The following OTOF variants were observed in gnomAD, a reference collection of about 807,000 sequenced individuals.
The protein encoded by OTOF is otoferlin.
A neutral mutation model predicts 236.8 loss-of-function variants in OTOF; 218 were observed. The observed-to-expected ratio is 0.92, with a 90% confidence interval of 0.82 to 1.03. The LOEUF is 1.03. OTOF is among the 50% of genes least tolerant of loss of function. OTOF has a pLI of 0.00. For synonymous variants in OTOF, 1,041 were observed against 1,072.5 expected, an observed-to-expected ratio of 0.97 and a Z score of 0.57; for missense variants, 2,590 against 2,694.4, an observed-to-expected ratio of 0.96 and a Z score of 0.86.
chr2:26,543,313 G>A (rs956489708), intron 1 of OTOF, among the ~76,000 whole-genome samples: 8 of 152,218 alleles, frequency 5.3e-5, no homozygotes, highest in Non-Finnish European at 4.4e-5. Flanking sequence ...ATGGTCTGGA[G>A]GCCTGGGAGC....
chr2:26,558,556 G>A lies in OTOF; in HGVS notation c.16C>T (p.His6Tyr), dbSNP rs1456419643. The change falls in exon 1 of 47, where the codon CAC becomes TAC. Residue 6 changes from histidine (H) to tyrosine (Y), a missense_variant. Physicochemically the swap from His to Tyr is moderately conservative, Grantham distance 83 (BLOSUM62 2). Coordinates refer to ENST00000272371, the MANE Select transcript of OTOF (RefSeq NM_194248.3). ...CGCAGCTCCGAGACTGTCTTGAGGT[G>A]GATGAGCAAGGCCATGCTGGTGTGG... MALLIHLKTVSELRGR... is the reference protein window; with the variant it reads MALLIYLKTVSELRGR... The A allele has an allele frequency of 2.5e-6, 4 of 1,613,942 alleles. No individual in the cohort carries two copies. The highest frequency in any genetic ancestry group is 2.2e-5 in the East Asian group (1 of 44,842).
chr2:26,527,577 C>T (rs553363355), intron 3 of OTOF, among the ~76,000 whole-genome samples: 6 of 152,298 alleles, frequency 3.9e-5, no homozygotes, highest in African/African-American at 1.4e-4. Context: ...GGGTTGGAGA[C>T]AGCAGAGGTG....
chr2:26,536,006 G>A (rs1667061824), intron 2 of OTOF, among the ~76,000 whole-genome samples: 1 of 152,216 alleles, frequency 6.6e-6, no homozygotes, highest in Admixed American at 6.5e-5. Context: ...AGTCTTGGGA[G>A]GAGGGAGTCA....
intron 1 of OTOF, among the ~76,000 whole-genome samples, chr2:26,544,571 G>C (rs1426708831): frequency 6.6e-6 from 1 of 152,104 alleles, no homozygotes; most frequent in Non-Finnish European, 1.5e-5. Context: ...ACAACTTCTT[G>C]GTCCATTTCT....
At chr2:26,480,413 T>G (rs1572435692) in intron 15 of OTOF, 102 bp from the exon 16 acceptor site, 2 of 778,958 alleles carry the variant, frequency 2.6e-6, no homozygotes, top group Non-Finnish European at 4.5e-6. Context: ...GGGTGGATGG[T>G]GGGGGCATCC....
chr2:26,463,870 A>G (rs1161950085), intron 40 of OTOF, 94 bp downstream of exon 40: 29 of 1,526,238 alleles, frequency 1.9e-5, no homozygotes, highest in African/African-American at 2.7e-5. Context: ...TGCAGCGGAC[A>G]GCGTGAGGCC....
chr2:26,523,056 C>T (rs750507646), intron 3 of OTOF, among the ~76,000 whole-genome samples: 1 of 152,234 alleles, frequency 6.6e-6, no homozygotes, highest in South Asian at 2.1e-4. Context: ...GTCAATAATT[C>T]ATCACTTTCC....
chr2:26,505,834 C>T (rs1281097154), intron 5 of OTOF, among the ~76,000 whole-genome samples: 1 of 152,212 alleles, frequency 6.6e-6, no homozygotes, highest in Non-Finnish European at 1.5e-5. Context: ...TGTGTGCCAG[C>T]ATAGTTTACA....
rs762353931 is a variant in OTOF at position 26,470,571 on chromosome 2, C to T, written c.4023+22G>A. 6.2e-7 allele frequency: 1 copy of T among 1,613,720 alleles called. No individual in the cohort carries two copies. Among genetic ancestry groups the T allele is most frequent in the African/African-American group, 1.3e-5 (1 of 75,010 alleles). ...CTGAGTGTGGAGGGGGTCACCTCCC[C>T]TCACCCTACCCGAGGTCTCACCTCC... On this transcript the variant is annotated intron_variant, in intron 32 of 46. Coordinates refer to ENST00000272371, the MANE Select transcript of OTOF (RefSeq NM_194248.3). The surrounding 1 kb of genome is among the most constrained non-coding windows in gnomAD (Gnocchi z 4.3).
In OTOF at chr2:26,461,062, A is replaced by C; in HGVS notation, c.5534-32T>G. The C allele has an allele frequency of 3.1e-6, 2 of 637,294 alleles. No homozygotes were observed. Among genetic ancestry groups the C allele is most frequent in the Non-Finnish European group, 5.4e-6 (2 of 373,378 alleles). The allele number at this position is 637,294 out of a possible 1,614,324, so 39.5% of individuals were successfully genotyped here. A position where few individuals can be genotyped will look rare whatever the true frequency, so the allele number is the denominator to read the frequency against. On this transcript the variant is annotated intron_variant, in intron 43 of 46. Coordinates refer to ENST00000272371, the MANE Select transcript of OTOF (RefSeq NM_194248.3). The surrounding 1 kb of genome is among the most constrained non-coding windows in gnomAD (Gnocchi z 6.2). ...CAACCTCAGTGTCAGCTCAGAGTGA[A>C]CAGGGCTGGGGTGGGGCGGGGTGGG... is the stretch of plus-strand genomic sequence containing the variant.
chr2:26,460,892 G>C lies in OTOF; in HGVS notation c.5672C>G (p.Pro1891Arg). Residue 1891 changes from proline (P) to arginine (R), a missense_variant, in exon 44 of 47, where the codon CCC (proline) becomes CGC (arginine). By Grantham distance (103) the Pro-to-Arg change is moderately radical. Coordinates refer to ENST00000272371, the MANE Select transcript of OTOF (RefSeq NM_194248.3). The surrounding 1 kb of genome is among the most constrained non-coding windows in gnomAD (Gnocchi z 5.3). ...FKQKRVKGWW[P>R]LLARNENDEF... ...ATCGTTCTCATTGCGGGCCAGGAGG[G>C]GCCACCAGCCTTTGACGCGCTTTTG... is the stretch of plus-strand genomic sequence containing the variant. 1 of 1,614,184 alleles carries C rather than the reference G, an allele frequency of 6.2e-7. No homozygotes were observed. Among genetic ancestry groups the C allele is most frequent in the Non-Finnish European group, 8.5e-7 (1 of 1,180,020 alleles).
rs543960424 is a variant in OTOF, at chr2:26,488,675, G to A, written c.1045+536C>T. Among the ~76,000 whole-genome samples, 7 of 152,348 alleles carry A rather than the reference G, an allele frequency of 4.6e-5. No homozygotes were observed. In the South Asian group the frequency reaches 1.4e-3, roughly 32 times the overall value. ...TAGTGTGGCTCAGTGAGGCTCTGGG[G>A]ACACACAGCCTGACTTCACCCCCGG... On this transcript the variant is annotated intron_variant, in intron 11 of 46. Transcript: ENST00000272371.
chr2:26,527,335 T>C (rs1040802505), intron 3 of OTOF, among the ~76,000 whole-genome samples: 8 of 152,270 alleles, frequency 5.3e-5, no homozygotes, highest in African/African-American at 1.9e-4. Flanking sequence ...AGAGGTTATG[T>C]AACCTTTCCA....
At chr2:26,517,009 G>A (rs1323834945) in intron 4 of OTOF, among the ~76,000 whole-genome samples, 4 of 152,172 alleles carry the variant, frequency 2.6e-5, no homozygotes, top group Admixed American at 6.5e-5. Flanking sequence ...GGCATGAGGC[G>A]CGGCCCGCCA....
Position 26,480,979 on chromosome 2 carries a change from A to G in OTOF, c.1610T>C (p.Val537Ala). The G allele has an allele frequency of 6.2e-7, 1 of 1,612,872 alleles. No homozygotes were observed. The highest frequency in any genetic ancestry group is 8.5e-7 in the Non-Finnish European group (1 of 1,179,970). ...GFLPTLGPAW[V>A]NMYGSTRNYT... Reference sequence around the variant, plus strand: ...GTTACGTGTGGAGCCGTACATGTTCACCCAGGCTGGGCCCAGTGTGGGCAG... The same window carrying G: ...GTTACGTGTGGAGCCGTACATGTTCGCCCAGGCTGGGCCCAGTGTGGGCAG... The change falls in exon 15 of 47, where the codon GTG (valine) becomes GCG (alanine). Residue 537 changes from valine (V) to alanine (A), a missense_variant. This residue lies in a region of OTOF where 1,379 missense variants were observed against 1,341.6 expected (regional missense o/e 1.03). Coordinates refer to ENST00000272371, the MANE Select transcript of OTOF (RefSeq NM_194248.3).
chr2:26,522,420 T>C (rs1379319759), intron 3 of OTOF, among the ~76,000 whole-genome samples: 1 of 152,182 alleles, frequency 6.6e-6, no homozygotes, highest in Non-Finnish European at 1.5e-5. Context: ...CCGTCTTCTA[T>C]AGATATTCTT....
chr2:26,530,169 G>T (rs1666909792), intron 2 of OTOF, among the ~76,000 whole-genome samples: 1 of 152,126 alleles, frequency 6.6e-6, no homozygotes, highest in Non-Finnish European at 1.5e-5. Context: ...GCATTGGAAG[G>T]AGAGAAAGAT....
In OTOF at chr2:26,467,104, A is replaced by G. The variant is rs1664766674; in HGVS notation, c.4357T>C (p.Phe1453Leu). The change falls in exon 35 of 47, where the codon TTC becomes CTC. Residue 1453 changes from phenylalanine (F) to leucine (L), a missense_variant. Coordinates refer to ENST00000272371, the MANE Select transcript of OTOF (RefSeq NM_194248.3). Reference sequence around the variant, plus strand: ...GCCCGTGCTCCTGGCCTGACCTTGAAGCGTCCCACAATGCGCTCCTCCTCG... The same window carrying G: ...GCCCGTGCTCCTGGCCTGACCTTGAGGCGTCCCACAATGCGCTCCTCCTCG... ...STEEERIVGR[F>L]KGSLCVYKVP... The G allele has an allele frequency of 6.2e-7, 1 of 1,613,348 alleles. No individual in the cohort carries two copies. The highest frequency in any genetic ancestry group is 2.2e-5 in the East Asian group (1 of 44,872).
At position 26,516,912 on chromosome 2, in the gene OTOF, C is replaced by T. The variant is rs11126533; in HGVS notation, c.328-313G>A. 0.86 allele frequency among the ~76,000 whole-genome samples: 130,233 copies of T among 152,102 alleles called. 56,665 individuals are homozygous for T. The highest frequency in any genetic ancestry group is 0.94 in the Middle Eastern group (275 of 294). On this transcript the variant is annotated intron_variant, in intron 4 of 46. Transcript: ENST00000272371. ...GACAACTGAGCCTGGACTCACCCCC[C>T]GAGTCCACTGTCTACATAACCGAGA...
Sources: gnomAD v4.1 joint callset for allele counts (sites outside exome capture counted in the v4.1 genomes callset) on GRCh38, gnomAD v4.1.1 for gene constraint, gnomAD v4.1.1 regional missense constraint, Gnocchi (gnomAD v3.1) non-coding constraint, MANE v1.5 for transcripts, NCBI Gene and HGNC (gene_info 2026-07-23, HGNC 2026-07-21) for gene names.